The following ROBO2 variants were observed in gnomAD, a reference collection of about 807,000 sequenced individuals.
The protein encoded by ROBO2 is roundabout guidance receptor 2, also known as roundabout homolog 2.
A neutral mutation model predicts 160.8 loss-of-function variants in ROBO2; 53 were observed. The observed-to-expected ratio is 0.33, with a 90% CI of 0.26 to 0.41. The LOEUF (loss-of-function observed/expected upper bound fraction) is 0.41, where lower values mean the gene tolerates loss of function less well. Among genes scored for constraint, ROBO2 ranks in the 10% least tolerant of loss-of-function variants. The probability of loss-of-function intolerance (pLI) is 1.00; values close to 1 mark genes in which losing one functional copy is unlikely to be tolerated. For missense variants in ROBO2, 1,577 were observed against 1,722.4 expected, an observed-to-expected ratio of 0.92 and a Z score of 1.49; for synonymous variants, 664 against 611.7, an observed-to-expected ratio of 1.09 and a Z score of -1.26.
chr3:76,513,707 AT>A (rs1406106741), intron 2 of ROBO2, among the ~76,000 whole-genome samples: 21 of 152,350 alleles, frequency 1.4e-4, no homozygotes, highest in African/African-American at 5.0e-4. Context: ...AAATTTTCAA[AT>A]GTGTAAACAA....
chr3:76,234,913 G>A (rs2107488328), intron 2 of ROBO2, among the ~76,000 whole-genome samples: 1 of 152,166 alleles, frequency 6.6e-6, no homozygotes, highest in Non-Finnish European at 1.5e-5. Context: ...TTTCCCCACG[G>A]CAGATTGTAC....
intron 2 of ROBO2, among the ~76,000 whole-genome samples, chr3:76,736,998 T>C (rs72890283): frequency 0.018 from 2,752 of 152,306 alleles, 70 homozygotes; most frequent in African/African-American, 0.058. Flanking sequence ...GATGTGCATA[T>C]ATGAACTCTG....
exon 26 of ROBO2, chr3:77,646,171 T>C (rs1397514702): frequency 1.3e-5 from 9 of 670,984 alleles, no homozygotes; most frequent in Non-Finnish European, 2.2e-5. Flanking sequence ...AAAAGAACTG[T>C]AAATGCAATG....
intron 2 of ROBO2, among the ~76,000 whole-genome samples, chr3:77,280,636 G>A (rs1056732112): frequency 2.6e-5 from 4 of 152,110 alleles, no homozygotes; most frequent in East Asian, 1.9e-4. Flanking sequence ...TAGAAAATAA[G>A]GTCATTACAT....
intron 2 of ROBO2, among the ~76,000 whole-genome samples, chr3:76,257,077 ACTCATAACATTAGGGATTACAG>A (rs1644345588): frequency 6.6e-6 from 1 of 152,016 alleles, no homozygotes; most frequent in Admixed American, 6.6e-5. Context: ...AGGGATTACA[ACTCATAACATTAGGGATTACAG>A]CTCACAACAT....
intron 2 of ROBO2, among the ~76,000 whole-genome samples, chr3:76,967,505 C>T (rs1370241755): frequency 1.4e-5 from 2 of 139,858 alleles, no homozygotes; most frequent in East Asian, 4.3e-4. Context: ...CCGCACCTGG[C>T]CAGCTCTTTT....
chr3:76,235,116 G>T (rs907432351), intron 2 of ROBO2, among the ~76,000 whole-genome samples: 2 of 152,144 alleles, frequency 1.3e-5, no homozygotes, highest in Non-Finnish European at 2.9e-5. Flanking sequence ...AAAAAGTTAT[G>T]ATTGAGTCCT....
At chr3:76,227,810 G>A (rs575180912) in intron 2 of ROBO2, among the ~76,000 whole-genome samples, 3 of 152,176 alleles carry the variant, frequency 2.0e-5, no homozygotes, top group South Asian at 2.1e-4. Context: ...ATTCTTCTGC[G>A]CATGAATATT....
intron 2 of ROBO2, among the ~76,000 whole-genome samples, chr3:76,841,045 G>A (rs1429589020): frequency 2.6e-5 from 4 of 152,100 alleles, no homozygotes; most frequent in Admixed American, 2.0e-4. Flanking sequence ...CAGTAGAAAG[G>A]CGATACACAA....
At chr3:77,384,443 G>A (rs547418400) in intron 2 of ROBO2, among the ~76,000 whole-genome samples, 8 of 152,080 alleles carry the variant, frequency 5.3e-5, no homozygotes. Context: ...AAAAGTCCAG[G>A]AGTAGAAAGT....
At chr3:77,338,526 C>T (rs992428666) in intron 2 of ROBO2, among the ~76,000 whole-genome samples, 22 of 152,020 alleles carry the variant, frequency 1.4e-4, no homozygotes, top group African/African-American at 3.9e-4. Context: ...TGCAGAGCAA[C>T]GAGACAATGT....
chr3:77,417,534 G>T (rs1368109486), intron 2 of ROBO2, among the ~76,000 whole-genome samples: 1 of 152,022 alleles, frequency 6.6e-6, no homozygotes, highest in Non-Finnish European at 1.5e-5. Context: ...TTATTGCATT[G>T]TCTCAGTCAT....
At chr3:76,642,929 A>G (rs967949012) in intron 2 of ROBO2, among the ~76,000 whole-genome samples, 1 of 152,206 alleles carries the variant, frequency 6.6e-6, no homozygotes, top group African/African-American at 2.4e-5. Flanking sequence ...AAAATAAATA[A>G]TGACAGACAG....
chr3:76,464,320 C>T (rs1051917063), intron 2 of ROBO2, among the ~76,000 whole-genome samples: 6 of 152,136 alleles, frequency 3.9e-5, no homozygotes, highest in Admixed American at 1.3e-4. Context: ...CCAAGACATA[C>T]AATTGATGTG....
rs539159731 is a variant in ROBO2, at chr3:76,703,471, C to G, written c.110-394543C>G. 2.4e-3 allele frequency among the ~76,000 whole-genome samples: 360 copies of G among 152,180 alleles called. 1 individual carries two copies. Among genetic ancestry groups the G allele is most frequent in the Middle Eastern group, 0.01 (3 of 294 alleles). The stretch of plus-strand genomic sequence containing the variant: ...ATGGTGGTTTGCTGCACCCATCAAC[C>G]AGTCACCTACATTAGGTATTTCTCC... On this transcript the variant is annotated intron_variant, in intron 2 of 26. Transcript: ENST00000487694.
In ROBO2 at chr3:77,452,885, T is replaced by C. The variant is rs374566678; in HGVS notation, c.389-24529T>C. On this transcript the variant is annotated intron_variant, in intron 2 of 25. Transcript: ENST00000461745. ...ACATACAAGCCAATGTGAATTGAAT[T>C]GTAATGTTTTTTGCAGTTTTCACTT... Among the ~76,000 whole-genome samples the C allele has an allele frequency of 3.3e-5, 5 of 152,228 alleles. No individual in the cohort carries two copies. In the East Asian group the frequency reaches 9.7e-4, roughly 29 times the overall value.
chr3:77,086,363 A>G lies in ROBO2; in HGVS notation c.62-11651A>G, dbSNP rs527384345. Among the ~76,000 whole-genome samples the G allele has an allele frequency of 5.3e-5, 8 of 152,282 alleles. No individual in the cohort carries two copies. In the South Asian group the frequency reaches 1.5e-3, roughly 28 times the overall value. ...CGACTGATACTGCTATGTTTTATAC[A>G]TAGGGAAGCAAGATGCAGAGAAGGT... On this transcript the variant is annotated intron_variant, in intron 1 of 25. Coordinates refer to ENST00000461745, the Ensembl canonical transcript of ROBO2.
chr3:76,335,592 T>C (rs2073827840), intron 2 of ROBO2, among the ~76,000 whole-genome samples: 1 of 151,880 alleles, frequency 6.6e-6, no homozygotes, highest in Non-Finnish European at 1.5e-5. Context: ...CTTTTTTTTT[T>C]TTTGAGACGG....
chr3:77,583,159 A>C (rs1365167591), intron 16 of ROBO2, among the ~76,000 whole-genome samples: 11 of 151,256 alleles, frequency 7.3e-5, no homozygotes, highest in Admixed American at 4.6e-4. Context: ...CTCCAAAAAA[A>C]AAAAAAAAAA....
Sources: allele counts gnomAD v4.1 joint callset (sites outside exome capture counted in the v4.1 genomes callset), GRCh38; gene constraint gnomAD v4.1.1; transcripts MANE v1.5; gene names NCBI Gene and HGNC (gene_info 2026-07-23, HGNC 2026-07-21).